Variants in CHIC2 observed in about 807,000 individuals in gnomAD.
CHIC2 encodes the protein cysteine-rich hydrophobic domain-containing protein 2.
In CHIC2, 14 loss-of-function variants were observed where a neutral mutation model predicts 25.9. The observed-to-expected ratio is 0.54, with a 90% CI of 0.36 to 0.85. CHIC2 has a LOEUF of 0.85. CHIC2 is among the 40% of genes least tolerant of loss of function. The pLI is 0.01. For synonymous variants in CHIC2, 70 were observed against 72.0 expected, an observed-to-expected ratio of 0.97 and a Z score of 0.14; for missense variants, 146 against 202.0, an observed-to-expected ratio of 0.72 and a Z score of 1.68.
chr4:54,033,720 A>C (rs1040195274), intron 3 of CHIC2, among the ~76,000 whole-genome samples: 1 of 152,174 alleles, frequency 6.6e-6, no homozygotes, highest in Non-Finnish European at 1.5e-5. Context: ...AAGGATTTTA[A>C]AAATATATAT....
At chr4:54,041,311 A>C (rs548676660) in intron 3 of CHIC2, among the ~76,000 whole-genome samples, 1 of 152,182 alleles carries the variant, frequency 6.6e-6, no homozygotes, top group South Asian at 2.1e-4. Context: ...ATTTCACATC[A>C]CAAGAAAGAA....
At chr4:54,084,958 T>TAAAAA in the CHIC2 span, among the ~76,000 whole-genome samples, 3 of 48,872 alleles carry the variant, frequency 6.1e-5, no homozygotes, top group African/African-American at 3.3e-4. Context: ...TTGCTCTGTC[T>TAAAAA]CAAAAAAAAA....
intron 3 of CHIC2, among the ~76,000 whole-genome samples, chr4:54,048,375 A>C (rs545664887): frequency 4.6e-5 from 7 of 152,176 alleles, no homozygotes; most frequent in African/African-American, 1.7e-4. Flanking sequence ...TCACTACAGG[A>C]AACTTGTAAA....
At chr4:54,087,749 A>G in the CHIC2 span, 1 of 495,744 alleles carries the variant, frequency 2.0e-6, no homozygotes, top group African/African-American at 2.0e-5. Flanking sequence ...GGTGATTACA[A>G]AGTAGCTTCT....
intron 3 of CHIC2, among the ~76,000 whole-genome samples, chr4:54,023,835 C>T (rs1040230209): frequency 1.3e-5 from 2 of 152,180 alleles, no homozygotes; most frequent in Non-Finnish European, 2.9e-5. Context: ...CCATATCCTG[C>T]ACCACCGTGC....
upstream of CHIC2, among the ~76,000 whole-genome samples, chr4:54,065,849 C>A (rs1441566682): frequency 1.3e-5 from 2 of 152,136 alleles, no homozygotes; most frequent in East Asian, 3.9e-4. Flanking sequence ...TGCCAACCTC[C>A]TTTTGGAAAC....
intron 3 of CHIC2, 45 bp downstream of exon 3, chr4:54,048,910 C>G (rs1577982153): frequency 7.0e-7 from 1 of 1,435,064 alleles, no homozygotes; most frequent in Non-Finnish European, 9.3e-7. Context: ...GCAAGACTTG[C>G]TTGTCCACTT....
At chr4:54,051,547 T>C (rs1717007557) in intron 1 of CHIC2, among the ~76,000 whole-genome samples, 1 of 152,130 alleles carries the variant, frequency 6.6e-6, no homozygotes, top group South Asian at 2.1e-4. Flanking sequence ...ATAACCACAG[T>C]TGTCAACTCT....
At chr4:54,048,381 G>T (rs1303796276) in intron 3 of CHIC2, among the ~76,000 whole-genome samples, 1 of 152,046 alleles carries the variant, frequency 6.6e-6, no homozygotes. Flanking sequence ...CAGGAAACTT[G>T]TAAAATATAA....
chr4:54,080,987 A>T, the CHIC2 span, among the ~76,000 whole-genome samples: 1 of 124,504 alleles, frequency 8.0e-6, no homozygotes, highest in Non-Finnish European at 1.7e-5. Context: ...TATATATATA[A>T]AATCATCACA....
At chr4:54,069,682 C>T in the CHIC2 span, among the ~76,000 whole-genome samples, 1 of 152,210 alleles carries the variant, frequency 6.6e-6, no homozygotes, top group Non-Finnish European at 1.5e-5. Context: ...TACAGAAAGA[C>T]ATTGCTTTGG....
intron 3 of CHIC2, among the ~76,000 whole-genome samples, chr4:54,015,897 T>C (rs757844523): frequency 5.9e-5 from 9 of 152,224 alleles, no homozygotes; most frequent in Non-Finnish European, 1.0e-4. Context: ...CAAGCTCACA[T>C]TGACAGAGCT....
chr4:54,035,256 G>C (rs1159253187), intron 3 of CHIC2, among the ~76,000 whole-genome samples: 5 of 152,176 alleles, frequency 3.3e-5, no homozygotes, highest in African/African-American at 1.2e-4. Flanking sequence ...GCCTCATAAA[G>C]TGAGCTGGGA....
At chr4:54,031,808 CG>C (rs1264386525) in intron 3 of CHIC2, among the ~76,000 whole-genome samples, 10 of 151,962 alleles carry the variant, frequency 6.6e-5, no homozygotes, top group Middle Eastern at 3.4e-3. Flanking sequence ...TTAGTAGAGA[CG>C]GGGTTTCACC....
chr4:54,087,116 T>C, the CHIC2 span: 3 of 891,992 alleles, frequency 3.4e-6, no homozygotes, highest in Non-Finnish European at 5.6e-6. Flanking sequence ...TGCAGAGAAC[T>C]TCTTAGCTTC....
the CHIC2 span, among the ~76,000 whole-genome samples, chr4:54,090,135 T>C: frequency 2.6e-5 from 4 of 152,270 alleles, no homozygotes; most frequent in Admixed American, 6.5e-5. Flanking sequence ...CAAGCATTTC[T>C]AATGAAGGAT....
At chr4:54,029,964 C>T (rs976821021) in intron 3 of CHIC2, among the ~76,000 whole-genome samples, 6 of 152,088 alleles carry the variant, frequency 3.9e-5, no homozygotes, top group East Asian at 3.9e-4. Flanking sequence ...CACTACTATA[C>T]CCCTAACCAG....
chr4:54,081,131 C>T, the CHIC2 span, among the ~76,000 whole-genome samples: 1 of 151,098 alleles, frequency 6.6e-6, no homozygotes, highest in Admixed American at 6.6e-5. Context: ...TAAATTAAGA[C>T]CTTGGGCAAA....
At chr4:54,047,029 C>A (rs1398161821) in intron 3 of CHIC2, among the ~76,000 whole-genome samples, 1 of 152,084 alleles carries the variant, frequency 6.6e-6, no homozygotes, top group East Asian at 1.9e-4. Context: ...ATTTATGCAG[C>A]CAAAAAACAC....
Sources: allele counts gnomAD v4.1 joint callset (sites outside exome capture counted in the v4.1 genomes callset), GRCh38; gene constraint gnomAD v4.1.1; transcripts MANE v1.5; gene names NCBI Gene and HGNC (gene_info 2026-07-23, HGNC 2026-07-21).